ZNF362: variants seen among roughly 807,000 people sequenced by gnomAD.
ZNF362 encodes the protein rotund homolog.
In ZNF362, 11 loss-of-function variants were observed where a neutral mutation model predicts 42.9. The observed-to-expected ratio is 0.26, with a 90% confidence interval of 0.16 to 0.42. The LOEUF is 0.42. Among genes scored for constraint, ZNF362 ranks in the 20% least tolerant of loss-of-function variants. The pLI, the probability that ZNF362 is intolerant of heterozygous loss-of-function variation, is 1.00. For synonymous variants in ZNF362, 255 were observed against 257.3 expected, an observed-to-expected ratio of 0.99 and a Z score of 0.09; for missense variants, 362 against 576.2, an observed-to-expected ratio of 0.63 and a Z score of 3.81.
chr1:33,300,221 T>G lies in ZNF362; in HGVS notation c.*1175T>G, dbSNP rs1316349493. On this transcript the variant is annotated 3_prime_UTR_variant, in exon 9 of 9. Coordinates refer to ENST00000539719, the MANE Select transcript of ZNF362 (RefSeq NM_152493.3). ...CTGGAGTTCCGTTTTGAATATTAAC[T>G]GTGTTATTTTTATACACTTTTTAAG... 2 of 152,660 alleles carry G rather than the reference T, an allele frequency of 1.3e-5. No individual in the cohort carries two copies. The highest frequency in any genetic ancestry group is 2.9e-5 in the Non-Finnish European group (2 of 68,038). The allele number at this position is 152,660 out of a possible 1,614,324, so 9.5% of individuals were successfully genotyped here.
the ZNF362 span, among the ~76,000 whole-genome samples, chr1:33,175,040 T>TGTATAC: frequency 6.6e-6 from 1 of 151,288 alleles, no homozygotes; most frequent in Non-Finnish European, 1.5e-5. Flanking sequence ...TTTATGTATA[T>TGTATAC]GTATATGTAT....
the ZNF362 span, among the ~76,000 whole-genome samples, chr1:33,152,456 A>G: frequency 6.6e-6 from 1 of 152,120 alleles, no homozygotes; most frequent in South Asian, 2.1e-4. Context: ...AATCCCAGCT[A>G]CTTGGGAGGC....
chr1:33,140,511 G>A, the ZNF362 span, among the ~76,000 whole-genome samples: 2 of 152,186 alleles, frequency 1.3e-5, no homozygotes, highest in African/African-American at 4.8e-5. This position sits in a 1 kb window ranked among gnomAD's most constrained non-coding sequence, Gnocchi z 4.0. Context: ...TCAGCCTGCA[G>A]GGAGTGAGGG....
the ZNF362 span, among the ~76,000 whole-genome samples, chr1:33,189,709 G>GTATATATATATATATATATA: frequency 5.6e-4 from 7 of 12,450 alleles, no homozygotes; most frequent in African/African-American, 1.4e-3. Context: ...ACATATATAC[G>GTATATATATATATATATATA]TATATATATA....
intron 2 of ZNF362, 119 bp downstream of exon 2, chr1:33,270,731 C>T: frequency 1.3e-6 from 2 of 1,508,292 alleles, no homozygotes; most frequent in Non-Finnish European, 1.8e-6. Flanking sequence ...TCTGGGTCTG[C>T]CCTGGGGGAG....
intron 6 of ZNF362, among the ~76,000 whole-genome samples, chr1:33,288,874 T>C (rs534772383): frequency 4.0e-5 from 6 of 151,850 alleles, no homozygotes; most frequent in Non-Finnish European, 8.8e-5. Context: ...GATTCTGATG[T>C]TAGAATTGAG....
the ZNF362 span, among the ~76,000 whole-genome samples, chr1:33,128,472 T>C: frequency 1.3e-5 from 2 of 152,196 alleles, no homozygotes; most frequent in Non-Finnish European, 2.9e-5. Flanking sequence ...CATTTACAAA[T>C]TGAGAAATGA....
chr1:33,176,632 A>G, the ZNF362 span: 14 of 506,464 alleles, frequency 2.8e-5, no homozygotes, highest in African/African-American at 1.7e-4. Context: ...GCTGGCACAG[A>G]TGGCCTAGCC....
chr1:33,236,549 AAAT>A, the ZNF362 span, among the ~76,000 whole-genome samples: 146 of 68,628 alleles, frequency 2.1e-3, 1 homozygote, highest in African/African-American at 7.4e-3. Context: ...AAAAAAAAAA[AAAT>A]ATATATATAT....
At chr1:33,167,494 G>C in the ZNF362 span, among the ~76,000 whole-genome samples, 1 of 152,186 alleles carries the variant, frequency 6.6e-6, no homozygotes, top group African/African-American at 2.4e-5. This position sits in a 1 kb window ranked among gnomAD's most constrained non-coding sequence, Gnocchi z 4.2. Context: ...TCTCCTGTCT[G>C]TCTCTTCTTC....
chr1:33,265,208 G>A (rs1360085783), intron 1 of ZNF362, among the ~76,000 whole-genome samples: 6 of 151,788 alleles, frequency 4.0e-5, no homozygotes, highest in Non-Finnish European at 8.8e-5. Context: ...AACTGAGAGA[G>A]TGTCATGGCC....
At chr1:33,157,680 G>A in the ZNF362 span, among the ~76,000 whole-genome samples, 1 of 152,010 alleles carries the variant, frequency 6.6e-6, no homozygotes, top group Non-Finnish European at 1.5e-5. Flanking sequence ...TATAGAAGGA[G>A]TCTATGAAGT....
upstream of ZNF362, among the ~76,000 whole-genome samples, chr1:33,251,667 C>G (rs902767772): frequency 2.6e-5 from 4 of 152,322 alleles, no homozygotes; most frequent in African/African-American, 9.6e-5. Flanking sequence ...CAGCTCCCCT[C>G]TCTTTTCTGG....
chr1:33,255,592 A>C (rs1397261243), upstream of ZNF362, among the ~76,000 whole-genome samples: 1 of 151,892 alleles, frequency 6.6e-6, no homozygotes, highest in African/African-American at 2.4e-5. Context: ...CGGGAGGAGG[A>C]GTCACACAGA....
At chr1:33,225,199 A>G in the ZNF362 span, among the ~76,000 whole-genome samples, 1 of 152,012 alleles carries the variant, frequency 6.6e-6, no homozygotes, top group Non-Finnish European at 1.5e-5. Flanking sequence ...TGCCCTCATC[A>G]TCTTTAAGTC....
At chr1:33,145,091 C>T in the ZNF362 span, among the ~76,000 whole-genome samples, 3 of 152,240 alleles carry the variant, frequency 2.0e-5, no homozygotes, top group Non-Finnish European at 2.9e-5. Flanking sequence ...GCTCTTGCCA[C>T]TGCCCCATGA....
At chr1:33,270,717 A>C in intron 2 of ZNF362, 105 bp downstream of exon 2, 1 of 1,539,906 alleles carries the variant, frequency 6.5e-7, no homozygotes, top group South Asian at 1.3e-5. Flanking sequence ...CCCCGCTGCT[A>C]CCCTCTGGGT....
At chr1:33,155,092 C>G in the ZNF362 span, among the ~76,000 whole-genome samples, 2 of 138,604 alleles carry the variant, frequency 1.4e-5, no homozygotes, top group African/African-American at 5.2e-5. Context: ...GACTCCATCT[C>G]AAAAGGTCTC....
At chr1:33,164,766 T>TATTCATTCATTCATTC in the ZNF362 span, 1 of 151,606 alleles carries the variant, frequency 6.6e-6, no homozygotes, top group African/African-American at 2.4e-5. Flanking sequence ...GCAATGGGCT[T>TATTCATTCATTCATTC]ATTCATTCAT....
Sources: gnomAD v4.1 joint callset for allele counts (sites outside exome capture counted in the v4.1 genomes callset) on GRCh38, gnomAD v4.1.1 for gene constraint, Gnocchi (gnomAD v3.1) non-coding constraint, MANE v1.5 for transcripts, NCBI Gene and HGNC (gene_info 2026-07-23, HGNC 2026-07-21) for gene names.